Variants in MARCHF10 observed in about 807,000 individuals in gnomAD.
MARCHF10 encodes the protein membrane associated ring-CH-type finger 10, also known as probable E3 ubiquitin-protein ligase MARCHF10.
In MARCHF10, 64 loss-of-function variants were observed where a neutral mutation model predicts 76.2. That is an observed-to-expected ratio of 0.84 (90% CI 0.69 to 1.03). The LOEUF (loss-of-function observed/expected upper bound fraction) is 1.03, where lower values mean the gene tolerates loss of function less well. Ranked by LOEUF, MARCHF10 falls within the 50% of genes least tolerant of loss-of-function variation. The pLI, the probability that MARCHF10 is intolerant of heterozygous loss-of-function variation, is 0.00. For missense variants in MARCHF10, 875 were observed against 958.0 expected (o/e 0.91, Z 1.14); for synonymous variants, 340 against 357.5 (o/e 0.95, Z 0.55).
chr17:62,741,992 C>T (rs989384741), intron 5 of MARCHF10, among the ~76,000 whole-genome samples: 2 of 151,332 alleles, frequency 1.3e-5, no homozygotes, highest in Non-Finnish European at 2.9e-5. Context: ...GCCACCGCGC[C>T]CAGCCTGGAA....
Position 62,759,844 on chromosome 17 carries a change from G to A in MARCHF10, c.373C>T (p.Pro125Ser). The A allele has an allele frequency of 1.2e-6, 2 of 1,613,924 alleles. No homozygotes were observed. ...TAAGCCAGCCACTCACCTGGAGAGGGTTCGCTGGGGTCCACTTTCTCTGCT... is the reference window on the plus strand; with the variant it reads ...TAAGCCAGCCACTCACCTGGAGAGGATTCGCTGGGGTCCACTTTCTCTGCT... The part of the protein sequence containing the change: ...RKAEKVDPSE[P>S]SPADQAPMVL... The change falls in exon 4 of 11, where the codon CCC (proline) becomes TCC (serine). Residue 125 changes from proline to serine, a missense_variant. Pro to Ser is a moderately conservative substitution (Grantham distance 74, BLOSUM62 -1). Coordinates refer to ENST00000311269, the MANE Select transcript of MARCHF10 (RefSeq NM_152598.4).
At chr17:62,704,514 A>T (rs951715582) in intron 10 of MARCHF10, among the ~76,000 whole-genome samples, 2 of 152,212 alleles carry the variant, frequency 1.3e-5, no homozygotes, top group African/African-American at 4.8e-5. Context: ...GGAATAATAA[A>T]TTGGCTTCTC....
intron 3 of MARCHF10, among the ~76,000 whole-genome samples, chr17:62,785,584 C>T (rs1312236428): frequency 1.3e-5 from 2 of 152,170 alleles, no homozygotes; most frequent in East Asian, 1.9e-4. Context: ...TTAGAGTGAA[C>T]AGGCAACCTA....
intron 6 of MARCHF10, among the ~76,000 whole-genome samples, chr17:62,733,655 C>T (rs1420749918): frequency 6.6e-6 from 1 of 152,194 alleles, no homozygotes; most frequent in Non-Finnish European, 1.5e-5. Context: ...CATGCAGCGC[C>T]ATTTGCAGCA....
chr17:62,759,221 T>C (rs2092128379), intron 4 of MARCHF10, among the ~76,000 whole-genome samples: 1 of 152,222 alleles, frequency 6.6e-6, no homozygotes, highest in East Asian at 1.9e-4. Context: ...ACTTGATACC[T>C]GGGGCCAAAT....
At chr17:62,772,060 C>CG (rs1568188155) in intron 3 of MARCHF10, among the ~76,000 whole-genome samples, 1 of 152,038 alleles carries the variant, frequency 6.6e-6, no homozygotes, top group South Asian at 2.1e-4. Context: ...GAATTCAGTG[C>CG]GGGGGGAGAT....
chr17:62,742,896 G>T (rs1010773174), intron 5 of MARCHF10, among the ~76,000 whole-genome samples: 10 of 151,994 alleles, frequency 6.6e-5, no homozygotes, highest in African/African-American at 1.7e-4. Context: ...GCCTCCTATA[G>T]TGCTGGGATT....
chr17:62,765,554 G>A (rs796716088), intron 3 of MARCHF10, among the ~76,000 whole-genome samples: 7 of 152,152 alleles, frequency 4.6e-5, no homozygotes, highest in African/African-American at 1.7e-4. Context: ...GGTGATTTAA[G>A]TCTTCATAAC....
chr17:62,727,574 T>C (rs1367480420), intron 6 of MARCHF10, among the ~76,000 whole-genome samples: 1 of 152,152 alleles, frequency 6.6e-6, no homozygotes, highest in Non-Finnish European at 1.5e-5. Flanking sequence ...TACTGTTTTA[T>C]AGAATTGAGA....
intron 6 of MARCHF10, among the ~76,000 whole-genome samples, chr17:62,727,088 A>T (rs768538698): frequency 1.3e-5 from 2 of 152,200 alleles, no homozygotes; most frequent in Non-Finnish European, 2.9e-5. Flanking sequence ...CTGGTTCAGT[A>T]TCTGGGGCCC....
At chr17:62,716,558 G>A (rs568816786) in intron 8 of MARCHF10, among the ~76,000 whole-genome samples, 16 of 152,178 alleles carry the variant, frequency 1.1e-4, no homozygotes, top group Admixed American at 7.8e-4. Context: ...CAGAGCTGGG[G>A]TTAGACCTGG....
intron 5 of MARCHF10, among the ~76,000 whole-genome samples, chr17:62,740,067 T>TGTGTGTGTGTGTGTGC (rs2091451078): frequency 1.5e-5 from 2 of 136,648 alleles, no homozygotes; most frequent in East Asian, 4.1e-4. Flanking sequence ...TGTGTGTGTG[T>TGTGTGTGTGTGTGTGC]GTGTGTGTGT....
intron 4 of MARCHF10, among the ~76,000 whole-genome samples, chr17:62,751,339 A>G (rs2091892407): frequency 6.6e-6 from 1 of 152,132 alleles, no homozygotes; most frequent in East Asian, 1.9e-4. Flanking sequence ...TGCTCCTTCA[A>G]AGGTGGTTCA....
chr17:62,756,429 C>G (rs1468564174), intron 4 of MARCHF10, among the ~76,000 whole-genome samples: 1 of 152,120 alleles, frequency 6.6e-6, no homozygotes, highest in Non-Finnish European at 1.5e-5. Flanking sequence ...CTGGGCAACA[C>G]AGTAAGACCC....
At chr17:62,752,861 G>A (rs1007200372) in intron 4 of MARCHF10, among the ~76,000 whole-genome samples, 4 of 152,018 alleles carry the variant, frequency 2.6e-5, no homozygotes, top group African/African-American at 9.7e-5. Flanking sequence ...TCTTGGCTGT[G>A]TCTGGCCACC....
chr17:62,745,126 G>T (rs2091659238), intron 4 of MARCHF10, among the ~76,000 whole-genome samples: 2 of 148,754 alleles, frequency 1.3e-5, no homozygotes, highest in Admixed American at 1.3e-4. Context: ...TTTTTAAGAT[G>T]GAGTCTTGCT....
intron 5 of MARCHF10, among the ~76,000 whole-genome samples, chr17:62,740,548 C>G (rs2091467816): frequency 6.6e-6 from 1 of 152,182 alleles, no homozygotes; most frequent in African/African-American, 2.4e-5. Flanking sequence ...TAATCCAAAA[C>G]TCGGATGATC....
chr17:62,792,239 G>A (rs2092856958), intron 2 of MARCHF10, among the ~76,000 whole-genome samples: 1 of 151,986 alleles, frequency 6.6e-6, no homozygotes, highest in Admixed American at 6.5e-5. Flanking sequence ...TGTCTGTGGG[G>A]ATGACGTGGG....
chr17:62,704,043 G>A (rs2089417290), intron 10 of MARCHF10, among the ~76,000 whole-genome samples: 1 of 151,194 alleles, frequency 6.6e-6, no homozygotes, highest in Non-Finnish European at 1.5e-5. Context: ...GCGGGGCTGG[G>A]GAGGGGGCGC....
Sources: allele counts gnomAD v4.1 joint callset (sites outside exome capture counted in the v4.1 genomes callset), GRCh38; gene constraint gnomAD v4.1.1; transcripts MANE v1.5; gene names NCBI Gene and HGNC (gene_info 2026-07-23, HGNC 2026-07-21).